Variants in FMNL2 observed in about 807,000 individuals in gnomAD.
FMNL2 encodes the protein formin-like protein 2.
FMNL2 carries 51 observed loss-of-function variants against 130.2 expected under a neutral mutation model. The observed-to-expected ratio is 0.39, with a 90% CI of 0.31 to 0.49. FMNL2 has a LOEUF of 0.49. FMNL2 is among the 20% of genes least tolerant of loss of function. The probability of loss-of-function intolerance (pLI) is 0.85; values close to 1 mark genes in which losing one functional copy is unlikely to be tolerated. For missense variants in FMNL2, 977 were observed against 1,316.2 expected, an observed-to-expected ratio of 0.74 and a Z score of 3.99; for synonymous variants, 465 against 467.1, an observed-to-expected ratio of 1.00 and a Z score of 0.06.
intron 2 of FMNL2, among the ~76,000 whole-genome samples, chr2:152,531,399 G>A (rs1295412042): frequency 6.6e-6 from 1 of 152,142 alleles, no homozygotes; most frequent in East Asian, 1.9e-4. Flanking sequence ...GGGATCTGAA[G>A]ATGAAAAGAA....
At chr2:152,337,081 GCT>G (rs1419316377) in intron 1 of FMNL2, among the ~76,000 whole-genome samples, 2 of 152,136 alleles carry the variant, frequency 1.3e-5, no homozygotes, top group Non-Finnish European at 2.9e-5. Flanking sequence ...GGAGAACTGA[GCT>G]CTCTCTCCCG....
intron 1 of FMNL2, among the ~76,000 whole-genome samples, chr2:152,350,934 A>G (rs1320035352): frequency 6.6e-6 from 1 of 152,126 alleles, no homozygotes; most frequent in Non-Finnish European, 1.5e-5. Context: ...AGTCCCAGCT[A>G]CTTGGGAGGC....
At chr2:152,399,325 T>G (rs1407885552) in intron 1 of FMNL2, among the ~76,000 whole-genome samples, 1 of 152,080 alleles carries the variant, frequency 6.6e-6, no homozygotes, top group Non-Finnish European at 1.5e-5. Flanking sequence ...GGGAGGATGT[T>G]TGAAATGATG....
chr2:152,637,107 G>A lies in FMNL2; in HGVS notation c.2845-466G>A, dbSNP rs372015851. Among the ~76,000 whole-genome samples the A allele has an allele frequency of 5.9e-5, 9 of 152,336 alleles. 1 individual carries two copies. The South Asian group carries it at 1.7e-3, about 28-fold the overall frequency. ...TGGTTTGGGGCAATCTTGTATCATG[G>A]AAGAGTTCAGGCAGAGACTGAGTGT... On this transcript the variant is annotated intron_variant, in intron 22 of 25. Coordinates refer to ENST00000288670, the MANE Select transcript of FMNL2 (RefSeq NM_052905.4).
chr2:152,481,839 T>G (rs1348873420), intron 1 of FMNL2, among the ~76,000 whole-genome samples: 1 of 152,194 alleles, frequency 6.6e-6, no homozygotes, highest in Non-Finnish European at 1.5e-5. Context: ...GGAAGGCTGA[T>G]CGGGAAAATT....
intron 1 of FMNL2, among the ~76,000 whole-genome samples, chr2:152,410,962 A>G (rs1686251355): frequency 6.6e-6 from 1 of 152,152 alleles, no homozygotes; most frequent in African/African-American, 2.4e-5. Context: ...CAGAATCACT[A>G]AGTGTACTGA....
At chr2:152,367,533 G>GT (rs1317802561) in intron 1 of FMNL2, among the ~76,000 whole-genome samples, 1 of 152,170 alleles carries the variant, frequency 6.6e-6, no homozygotes, top group Non-Finnish European at 1.5e-5. Flanking sequence ...CATCAGAGAA[G>GT]TCACTTAGAT....
chr2:152,542,962 G>A (rs986489247), intron 3 of FMNL2, 143 bp downstream of exon 3: 52 of 817,066 alleles, frequency 6.4e-5, no homozygotes, highest in Middle Eastern at 2.6e-4. Flanking sequence ...GACCAACAAC[G>A]TAAGAAGACA....
rs574851479 is a variant in FMNL2, at chr2:152,374,727, A to G, written c.117+39007A>G. ...TTAGTGAAACATGCTTTCCATTTGA[A>G]TATGCATTTAGATGAGGCCAACTGG... is the stretch of plus-strand genomic sequence containing the variant. On this transcript the variant is annotated intron_variant, in intron 1 of 25. Coordinates refer to ENST00000288670, the MANE Select transcript of FMNL2 (RefSeq NM_052905.4). 3.3e-5 allele frequency among the ~76,000 whole-genome samples: 5 copies of G among 152,312 alleles called. No individual in the cohort carries two copies. In the South Asian group the frequency reaches 6.2e-4, roughly 19 times the overall value.
chr2:152,442,257 T>C (rs568496906), intron 1 of FMNL2, among the ~76,000 whole-genome samples: 110 of 151,974 alleles, frequency 7.2e-4, no homozygotes, highest in African/African-American at 2.5e-3. Context: ...TTTTTCTTTT[T>C]CTTTTTTTTT....
intron 23 of FMNL2, 29 bp downstream of exon 23, chr2:152,637,703 T>A: frequency 6.3e-7 from 1 of 1,597,530 alleles, no homozygotes; most frequent in Non-Finnish European, 8.6e-7. Flanking sequence ...CTTGCCCTTA[T>A]TTCTCAAGCA....
At chr2:152,558,632 G>A in intron 4 of FMNL2, 108 bp from the exon 5 acceptor site, 1 of 944,354 alleles carries the variant, frequency 1.1e-6, no homozygotes, top group Non-Finnish European at 1.6e-6. Flanking sequence ...TGTCCTTTCA[G>A]GCAATGAAAG....
chr2:152,412,664 C>G (rs921503117), intron 1 of FMNL2, among the ~76,000 whole-genome samples: 1 of 150,978 alleles, frequency 6.6e-6, no homozygotes, highest in African/African-American at 2.4e-5. Flanking sequence ...AAAAATTAGC[C>G]AGGTGTGGTT....
At chr2:152,396,827 G>A (rs991218438) in intron 1 of FMNL2, among the ~76,000 whole-genome samples, 7 of 152,092 alleles carry the variant, frequency 4.6e-5, no homozygotes, top group Admixed American at 1.3e-4. Context: ...TATTCAAAGA[G>A]CATTACCTAA....
chr2:152,562,072 C>A (rs546559970), intron 6 of FMNL2, among the ~76,000 whole-genome samples: 1 of 152,138 alleles, frequency 6.6e-6, no homozygotes, highest in African/African-American at 2.4e-5. Context: ...ATTTGTCAGG[C>A]GTAACACTTA....
chr2:152,647,687 T>A, intron 25 of FMNL2, 109 bp from the exon 26 acceptor site: 1 of 973,968 alleles, frequency 1.0e-6, no homozygotes, highest in Non-Finnish European at 1.7e-6. Context: ...GCCCATTAGC[T>A]GACTTTTCTA....
At position 152,377,415 on chromosome 2, in the gene FMNL2, C is replaced by G. The variant is rs553169388; in HGVS notation, c.117+41695C>G. On this transcript the variant is annotated intron_variant, in intron 1 of 25. Coordinates refer to ENST00000288670, the MANE Select transcript of FMNL2 (RefSeq NM_052905.4). ...TTAGTCTATCCTCTTTTAAAGAGTT[C>G]TTGTTGAAAGTTAATGCATTTATTT... Among the ~76,000 whole-genome samples, 47 of 152,226 alleles carry G rather than the reference C, an allele frequency of 3.1e-4. 1 individual carries two copies. The highest frequency in any genetic ancestry group is 3.4e-3 in the Middle Eastern group (1 of 294).
rs1683028962 is a variant in FMNL2 at position 152,640,918 on chromosome 2, A to G, written c.3169+4A>G. 1 of 1,613,366 alleles carries G rather than the reference A, an allele frequency of 6.2e-7. No individual in the cohort carries two copies. The highest frequency in any genetic ancestry group is 1.3e-5 in the African/African-American group (1 of 74,914). ...GCCATTGAAGATATTATCACAGGTA[A>G]AAGATATTTCTTCACTGTGGCCCAT... is the stretch of plus-strand genomic sequence containing the variant. On this transcript the variant is annotated splice_donor_region_variant and intron_variant, in intron 25 of 25. Coordinates refer to ENST00000288670, the MANE Select transcript of FMNL2 (RefSeq NM_052905.4).
intron 4 of FMNL2, among the ~76,000 whole-genome samples, chr2:152,550,274 G>A (rs532988999): frequency 6.6e-6 from 1 of 152,324 alleles, no homozygotes; most frequent in African/African-American, 2.4e-5. Flanking sequence ...AAATGCTATT[G>A]TGATTGATAG....
Sources: allele counts gnomAD v4.1 joint callset (sites outside exome capture counted in the v4.1 genomes callset), GRCh38; gene constraint gnomAD v4.1.1; transcripts MANE v1.5; gene names NCBI Gene and HGNC (gene_info 2026-07-23, HGNC 2026-07-21).